Variants in PRLHR observed in about 807,000 individuals in gnomAD.
PRLHR encodes prolactin releasing hormone receptor.
A neutral mutation model predicts 9.3 loss-of-function variants in PRLHR; 10 were observed. The ratio of observed to expected loss-of-function variants is 1.08; its 90% CI spans 0.66 to 1.82. PRLHR has a LOEUF of 1.82. PRLHR is among the 40% of genes most tolerant of loss of function. The pLI, the probability that PRLHR is intolerant of heterozygous loss-of-function variation, is 0.00. For synonymous variants in PRLHR, 261 were observed against 249.3 expected (o/e 1.05, Z -0.44); for missense variants, 589 against 512.0 (o/e 1.15, Z -1.45).
rs1271484134 is a variant in PRLHR at position 118,594,983 on chromosome 10, C to T, written c.262G>A (p.Val88Met). ...NCLLVLVIAR[V>M]RRLHNVTNFL... is the part of the protein sequence containing the mutation. The stretch of plus-strand genomic sequence containing the variant: ...TTCGTCACGTTGTGCAGCCGGCGCA[C>T]CCGCGCGATCACCAGCACCAGCAGG... Residue 88 changes from valine to methionine, a missense_variant, in exon 2 of 2, where the codon GTG (valine) becomes ATG (methionine). Transcript: ENST00000239032. The T allele has an allele frequency of 6.2e-7, 1 of 1,613,532 alleles. No homozygotes were observed. Among genetic ancestry groups the T allele is most frequent in the Non-Finnish European group, 8.5e-7 (1 of 1,179,818 alleles).
Position 118,594,580 on chromosome 10 carries a change from C to A in PRLHR, c.665G>T (p.Arg222Leu), listed in dbSNP as rs1357469404. The stretch of plus-strand genomic sequence containing the variant: ...CAGCAGCCCCCAGGCGTAGAGCTGG[C>A]GCTGGCGCTCCTGGGAGCCCCAGAA... The part of the protein sequence containing the change: ...EEFWGSQERQ[R>L]QLYAWGLLLV... The change falls in exon 2 of 2, where the codon CGC becomes CTC. Residue 222 changes from arginine to leucine, a missense_variant. Arg to Leu is a moderately radical substitution (Grantham distance 102, BLOSUM62 -2). Coordinates refer to ENST00000239032, the MANE Select transcript of PRLHR (RefSeq NM_004248.3). 1.9e-6 allele frequency: 3 copies of A among 1,557,824 alleles called. No individual in the cohort carries two copies. The highest frequency in any genetic ancestry group is 3.8e-5 in the Admixed American group (2 of 52,732).
In PRLHR at chr10:118,594,915, G is replaced by A; in HGVS notation, c.330C>T (p.Cys110=). The change falls in exon 2 of 2, where the codon TGC becomes TGT. Residue 110 remains cysteine, a synonymous_variant. Transcript: ENST00000239032. ...GNLALSDVLM[C]TACVPLTLAY... ...CCAGCGTGAGCGGCACGCAGGCGGT[G>A]CACATGAGCACGTCGGACAAGGCCA... The A allele has an allele frequency of 6.2e-7, 1 of 1,613,556 alleles. No individual in the cohort carries two copies. Among genetic ancestry groups the A allele is most frequent in the Non-Finnish European group, 8.5e-7 (1 of 1,179,892 alleles).
At position 118,594,424 on chromosome 10, in the gene PRLHR, C is replaced by G. The variant is rs747063484; in HGVS notation, c.821G>C (p.Arg274Pro). Reference protein sequence around the residue: ...SQADWDRARRRRTFCLLVVIV... With the variant: ...SQADWDRARRPRTFCLLVVIV... Reference sequence around the variant, plus strand: ...CACCACCAGCAAGCAGAAGGTGCGCCGGCGCCGAGCGCGGTCCCAGTCGGC... The same window carrying G: ...CACCACCAGCAAGCAGAAGGTGCGCGGGCGCCGAGCGCGGTCCCAGTCGGC... Residue 274 changes from arginine to proline, a missense_variant, in exon 2 of 2, where the codon CGG (arginine) becomes CCG (proline). Coordinates refer to ENST00000239032, the MANE Select transcript of PRLHR (RefSeq NM_004248.3). 6 of 1,600,326 alleles carry G rather than the reference C, an allele frequency of 3.7e-6. No individual in the cohort carries two copies. Among genetic ancestry groups the G allele is most frequent in the Non-Finnish European group, 5.1e-6 (6 of 1,179,428 alleles).
rs955561730 is a variant in PRLHR, at chr10:118,593,311, T to C, written c.*821A>G. 2.0e-5 allele frequency: 3 copies of C among 152,244 alleles called. No homozygotes were observed. Among genetic ancestry groups the C allele is most frequent in the African/African-American group, 7.2e-5 (3 of 41,466 alleles). The allele number at this position is 152,244 out of a possible 1,614,324, so 9.4% of individuals were successfully genotyped here. Reference sequence around the variant, plus strand: ...CCCACTTTGTGGCAAACACTGAATGTGTACCCACACATACACACACATACA... The same window carrying C: ...CCCACTTTGTGGCAAACACTGAATGCGTACCCACACATACACACACATACA... On this transcript the variant is annotated 3_prime_UTR_variant, in exon 2 of 2. Transcript: ENST00000239032.
In PRLHR at chr10:118,594,160, T is replaced by C. The variant is rs1302161163; in HGVS notation, c.1085A>G (p.Gln362Arg). 1.3e-6 allele frequency: 2 copies of C among 1,540,162 alleles called. No homozygotes were observed. Among genetic ancestry groups the C allele is most frequent in the Non-Finnish European group, 1.8e-6 (2 of 1,142,052 alleles). The change falls in exon 2 of 2, where the codon CAG becomes CGG. Residue 362 changes from glutamine to arginine, a missense_variant. By Grantham distance (43) the Gln-to-Arg change is conservative. Transcript: ENST00000239032. ...AWPRKIAPHG[Q>R]NMTVSVVI ...GATGACCACGCTGACGGTCATATTC[T>C]GGCCATGGGGGGCTATCTTGCGGGG...
Position 118,594,637 on chromosome 10 carries a change from A to T in PRLHR, c.608T>A (p.Leu203His). The change falls in exon 2 of 2, where the codon CTC (leucine) becomes CAC (histidine). Residue 203 changes from leucine (L) to histidine (H), a missense_variant. Physicochemically the swap from Leu to His is moderately conservative, Grantham distance 99 (BLOSUM62 -3). Coordinates refer to ENST00000239032, the MANE Select transcript of PRLHR (RefSeq NM_004248.3). ...GCAGAGGCGCACGTCGTGCGGCTTG[A>T]GCTCCACGTGATAGGTGTGCACGGC... ...PAAVHTYHVE[L>H]KPHDVRLCEE... is the part of the protein sequence containing the mutation. 6.3e-7 allele frequency: 1 copy of T among 1,584,104 alleles called. No individual in the cohort carries two copies. Among genetic ancestry groups the T allele is most frequent in the Non-Finnish European group, 8.6e-7 (1 of 1,167,782 alleles).
rs988832267 is a variant in PRLHR, at chr10:118,592,910, T to C, written c.*1222A>G. ...AAGACTCCTGCCCTCACTGCCCAAG[T>C]TGCTTTTCCAACAGTGTGGAGACCT... On this transcript the variant is annotated 3_prime_UTR_variant, in exon 2 of 2. Transcript: ENST00000239032. 1 of 152,224 alleles carries C rather than the reference T, an allele frequency of 6.6e-6. No individual in the cohort carries two copies. Among genetic ancestry groups the C allele is most frequent in the African/African-American group, 2.4e-5 (1 of 41,454 alleles). 9.4% of individuals were successfully genotyped at this position (152,224 alleles called of 1,614,324 possible). A position where few individuals can be genotyped will look rare whatever the true frequency, so the allele number is the denominator to read the frequency against.
In PRLHR at chr10:118,594,755, C is replaced by G. The variant is rs755274432; in HGVS notation, c.490G>C (p.Val164Leu). Reference protein sequence around the residue: ...TIAVDRYVVLVHPLRRRISLR... With the variant: ...TIAVDRYVVLLHPLRRRISLR... ...GAGATGCGCCGCCTCAGCGGGTGCA[C>G]CAGCACGACGTAGCGGTCCACTGCG... is the stretch of plus-strand genomic sequence containing the variant. Residue 164 changes from valine to leucine, a missense_variant, in exon 2 of 2, where the codon GTG (valine) becomes CTG (leucine). Physicochemically the swap from Val to Leu is conservative, Grantham distance 32 (BLOSUM62 1). Transcript: ENST00000239032. The G allele has an allele frequency of 1.2e-5, 19 of 1,609,126 alleles. No individual in the cohort carries two copies. Among genetic ancestry groups the G allele is most frequent in the Non-Finnish European group, 1.5e-5 (18 of 1,179,190 alleles).
In PRLHR at chr10:118,590,444, G is replaced by T. The variant is rs1304254202; in HGVS notation, c.*3688C>A. 1.3e-5 allele frequency: 2 copies of T among 152,208 alleles called. No homozygotes were observed. Among genetic ancestry groups the T allele is most frequent in the African/African-American group, 4.8e-5 (2 of 41,454 alleles). 9.4% of individuals were successfully genotyped at this position (152,208 alleles called of 1,614,324 possible). ...CATCTCTCACAATTGCTATTTCCAG[G>T]TAGCTGTTGGAGCATGCATTGAAAC... On this transcript the variant is annotated 3_prime_UTR_variant, in exon 2 of 2. Transcript: ENST00000239032.
In PRLHR at chr10:118,591,571, A is replaced by G. The variant is rs574242153; in HGVS notation, c.*2561T>C. ...TTGAGCTGGTATTGCCTGAAGACTAAAAGAGTATTCTCTAAGTATGGCATG... is the reference window on the plus strand; with the variant it reads ...TTGAGCTGGTATTGCCTGAAGACTAGAAGAGTATTCTCTAAGTATGGCATG... On this transcript the variant is annotated 3_prime_UTR_variant, in exon 2 of 2. Coordinates refer to ENST00000239032, the MANE Select transcript of PRLHR (RefSeq NM_004248.3). The G allele has an allele frequency of 6.6e-6, 1 of 152,322 alleles. No homozygotes were observed. Among genetic ancestry groups the G allele is most frequent in the East Asian group, 1.9e-4 (1 of 5,190 alleles). The allele number at this position is 152,322 out of a possible 1,614,324, so 9.4% of individuals were successfully genotyped here.
chr10:118,594,907 C>A lies in PRLHR; in HGVS notation c.338G>T (p.Cys113Phe), dbSNP rs747878484. The A allele has an allele frequency of 1.9e-6, 3 of 1,613,512 alleles. No individual in the cohort carries two copies. The highest frequency in any genetic ancestry group is 2.5e-6 in the Non-Finnish European group (3 of 1,179,876). ...ALSDVLMCTA[C>F]VPLTLAYAFE... The stretch of plus-strand genomic sequence containing the variant: ...GGCATAGGCCAGCGTGAGCGGCACG[C>A]AGGCGGTGCACATGAGCACGTCGGA... The change falls in exon 2 of 2, where the codon TGC becomes TTC. Residue 113 changes from cysteine to phenylalanine, a missense_variant. Cys to Phe is a radical substitution (Grantham distance 205, BLOSUM62 -2). Coordinates refer to ENST00000239032, the MANE Select transcript of PRLHR (RefSeq NM_004248.3).
chr10:118,594,977 G>A lies in PRLHR; in HGVS notation c.268C>T (p.Arg90Trp), dbSNP rs887226869. ...LLVLVIARVR[R>W]LHNVTNFLIG... is the part of the protein sequence containing the mutation. ...AGGAAGTTCGTCACGTTGTGCAGCC[G>A]GCGCACCCGCGCGATCACCAGCACC... is the stretch of plus-strand genomic sequence containing the variant. The change falls in exon 2 of 2, where the codon CGG becomes TGG. Residue 90 changes from arginine to tryptophan, a missense_variant. Transcript: ENST00000239032. 2 of 1,613,494 alleles carry A rather than the reference G, an allele frequency of 1.2e-6. No individual in the cohort carries two copies.
chr10:118,594,694 C>A lies in PRLHR; in HGVS notation c.551G>T (p.Trp184Leu). 4.4e-6 allele frequency: 7 copies of A among 1,591,340 alleles called. No homozygotes were observed. Among genetic ancestry groups the A allele is most frequent in the Non-Finnish European group, 5.1e-6 (6 of 1,171,352 alleles). Residue 184 changes from tryptophan to leucine, a missense_variant, in exon 2 of 2, where the codon TGG (tryptophan) becomes TTG (leucine). Coordinates refer to ENST00000239032, the MANE Select transcript of PRLHR (RefSeq NM_004248.3). ...RLSAYAVLAI[W>L]ALSAVLALPA... Reference sequence around the variant, plus strand: ...CAGCGCCAGCACCGCGGACAGCGCCCAGATGGCCAGCACAGCGTAGGCGCT... The same window carrying A: ...CAGCGCCAGCACCGCGGACAGCGCCAAGATGGCCAGCACAGCGTAGGCGCT...
rs1670973646 is a variant in PRLHR at position 118,591,820 on chromosome 10, C to G, written c.*2312G>C. On this transcript the variant is annotated 3_prime_UTR_variant, in exon 2 of 2. Transcript: ENST00000239032. ...CAAGCAATTCTCCTGCCTCAGCCTCCCGAGTAGCTGGGATTACAGGCGTGC... is the reference window on the plus strand; with the variant it reads ...CAAGCAATTCTCCTGCCTCAGCCTCGCGAGTAGCTGGGATTACAGGCGTGC... The G allele has an allele frequency of 6.6e-6, 1 of 151,754 alleles. No individual in the cohort carries two copies. Among genetic ancestry groups the G allele is most frequent in the South Asian group, 2.1e-4 (1 of 4,790 alleles). The allele number at this position is 151,754 out of a possible 1,614,324, so 9.4% of individuals were successfully genotyped here.
Position 118,594,942 on chromosome 10 carries a change from G to T in PRLHR, c.303C>A (p.Asn101Lys), listed in dbSNP as rs778600877. The change falls in exon 2 of 2, where the codon AAC becomes AAA. Residue 101 changes from asparagine to lysine, a missense_variant. Transcript: ENST00000239032. ...LHNVTNFLIG[N>K]LALSDVLMCT... ...ACATGAGCACGTCGGACAAGGCCAG[G>T]TTGCCGATGAGGAAGTTCGTCACGT... 2.5e-6 allele frequency: 4 copies of T among 1,613,666 alleles called. No individual in the cohort carries two copies. In the South Asian group the frequency reaches 4.4e-5, roughly 18 times the overall value.
rs928188387 is a variant in PRLHR at position 118,592,285 on chromosome 10, C to G, written c.*1847G>C. On this transcript the variant is annotated 3_prime_UTR_variant, in exon 2 of 2. Transcript: ENST00000239032. Reference sequence around the variant, plus strand: ...ACCATCTACACTCTCCACACATGACCATCAAAGGAACTCTCTGAGGAAATG... The same window carrying G: ...ACCATCTACACTCTCCACACATGACGATCAAAGGAACTCTCTGAGGAAATG... 2 of 152,154 alleles carry G rather than the reference C, an allele frequency of 1.3e-5. No individual in the cohort carries two copies. Among genetic ancestry groups the G allele is most frequent in the Non-Finnish European group, 2.9e-5 (2 of 68,036 alleles). 9.4% of individuals were successfully genotyped at this position (152,154 alleles called of 1,614,324 possible).
In PRLHR at chr10:118,594,873, TG is replaced by T. The variant is rs752319033; in HGVS notation, c.371del (p.Pro124HisfsTer44). 10 of 1,613,342 alleles carry T rather than the reference TG, an allele frequency of 6.2e-6. No individual in the cohort carries two copies. In the South Asian group the frequency reaches 8.8e-5, roughly 14 times the overall value. On this transcript the variant is annotated frameshift_variant, in exon 2 of 2. Coordinates refer to ENST00000239032, the MANE Select transcript of PRLHR (RefSeq NM_004248.3). LOFTEE classifies it low-confidence loss of function (END_TRUNC). ...VPLTLAYAFE[P>X]RGWVFGGGLC... ...GGCCGCCGCCGAACACCCAGCCGCG[TG>T]GCTCGAAGGCATAGGCCAGCGTGAG... is the stretch of plus-strand genomic sequence containing the variant.
At position 118,594,097 on chromosome 10, in the gene PRLHR, G is replaced by A; in HGVS notation, c.*35C>T. 6.0e-6 allele frequency: 9 copies of A among 1,508,310 alleles called. No individual in the cohort carries two copies. The highest frequency in any genetic ancestry group is 3.6e-4 in the Middle Eastern group (2 of 5,546). 93.4% of individuals were successfully genotyped at this position (1,508,310 alleles called of 1,614,324 possible). Reference sequence around the variant, plus strand: ...GTGGTGCCCTAGGAGGCCAGTTGAAGTGGAGCTCCTTGACCAAGGCCTGGC... The same window carrying A: ...GTGGTGCCCTAGGAGGCCAGTTGAAATGGAGCTCCTTGACCAAGGCCTGGC... On this transcript the variant is annotated 3_prime_UTR_variant, in exon 2 of 2. Coordinates refer to ENST00000239032, the MANE Select transcript of PRLHR (RefSeq NM_004248.3).
rs1844448250 is a variant in PRLHR at position 118,593,238 on chromosome 10, A to G, written c.*894T>C. 1 of 152,352 alleles carries G rather than the reference A, an allele frequency of 6.6e-6. No individual in the cohort carries two copies. Among genetic ancestry groups the G allele is most frequent in the South Asian group, 2.1e-4 (1 of 4,820 alleles). 9.4% of individuals were successfully genotyped at this position (152,352 alleles called of 1,614,324 possible). ...CAATTAGAGACTGCAGGAGAATGCC[A>G]CGCTACACAGTTTACATTGAGTATT... On this transcript the variant is annotated 3_prime_UTR_variant, in exon 2 of 2. Transcript: ENST00000239032.
Sources: gnomAD v4.1 joint callset for allele counts on GRCh38, gnomAD v4.1.1 for gene constraint, MANE v1.5 for transcripts, NCBI Gene and HGNC (gene_info 2026-07-23, HGNC 2026-07-21) for gene names.